Variants in FBXL13 observed in about 807,000 individuals in gnomAD.
The protein encoded by FBXL13 is F-box and leucine rich repeat protein 13.
FBXL13 carries 67 observed loss-of-function variants against 83.6 expected under a neutral mutation model. That is an observed-to-expected ratio of 0.80 (90% CI 0.66 to 0.98). The LOEUF (loss-of-function observed/expected upper bound fraction) is 0.98. Among genes scored for constraint, FBXL13 ranks in the 50% least tolerant of loss-of-function variants. The pLI is 0.00. For synonymous variants in FBXL13, 272 were observed against 299.5 expected (o/e 0.91, Z 0.95); for missense variants, 822 against 866.5 (o/e 0.95, Z 0.64).
intron 10 of FBXL13, among the ~76,000 whole-genome samples, chr7:102,916,468 C>T (rs1421831329): frequency 1.3e-5 from 2 of 152,170 alleles, no homozygotes; most frequent in African/African-American, 2.4e-5. Flanking sequence ...ACAGTGGAAC[C>T]TCATGGAACC....
intron 8 of FBXL13, among the ~76,000 whole-genome samples, chr7:102,952,571 T>A (rs1443840528): frequency 1.3e-5 from 2 of 152,246 alleles, no homozygotes; most frequent in East Asian, 3.9e-4. Flanking sequence ...ACAAATTAGA[T>A]AAACTGCATG....
chr7:102,983,231 C>T (rs1585236662), intron 6 of FBXL13, among the ~76,000 whole-genome samples: 1 of 152,070 alleles, frequency 6.6e-6, no homozygotes, highest in South Asian at 2.1e-4. Context: ...TAGCATTAAC[C>T]ACCTTCTGAG....
At position 102,834,150 on chromosome 7, in the gene FBXL13, C is replaced by CGAG. The variant is rs144012283; in HGVS notation, c.1720-1177_1720-1176insCTC. Among the ~76,000 whole-genome samples the CGAG allele has an allele frequency of 9.2e-5, 11 of 119,626 alleles. 1 individual carries two copies. The highest frequency in any genetic ancestry group is 3.6e-4 in the African/African-American group (10 of 28,168). 78.5% of individuals were successfully genotyped at this position (119,626 alleles called of 152,430 possible). On this transcript the variant is annotated intron_variant, in intron 17 of 19. Coordinates refer to ENST00000313221, the Ensembl canonical transcript of FBXL13. ...AGAAAGAAAGAAAGAAAAGAGAAGA[C>CGAG]AAGAGAAAAGAAAAAGGAGGAAATT...
chr7:102,821,372 C>T (rs1411070558), intron 19 of FBXL13, among the ~76,000 whole-genome samples: 3 of 152,094 alleles, frequency 2.0e-5, no homozygotes, highest in African/African-American at 7.2e-5. Flanking sequence ...TTTTCCATTT[C>T]ATTTTAACAC....
At chr7:102,849,235 A>G (rs964476705) in intron 17 of FBXL13, among the ~76,000 whole-genome samples, 1 of 152,222 alleles carries the variant, frequency 6.6e-6, no homozygotes, top group East Asian at 1.9e-4. Context: ...GCCTTTCAAG[A>G]GCACCAAATA....
At chr7:102,820,142 T>C (rs775938428) in intron 19 of FBXL13, among the ~76,000 whole-genome samples, 3 of 152,222 alleles carry the variant, frequency 2.0e-5, no homozygotes, top group African/African-American at 2.4e-5. Flanking sequence ...AAAGATGGAA[T>C]CGAGGGATTC....
intron 8 of FBXL13, among the ~76,000 whole-genome samples, chr7:102,961,556 G>A (rs1825216972): frequency 6.8e-6 from 1 of 147,256 alleles, no homozygotes; most frequent in African/African-American, 2.5e-5. Context: ...GAACAAAGCT[G>A]GAGGCATCAC....
At chr7:102,960,642 A>C (rs1174518178) in intron 8 of FBXL13, among the ~76,000 whole-genome samples, 6 of 152,222 alleles carry the variant, frequency 3.9e-5, no homozygotes, top group African/African-American at 1.4e-4. Flanking sequence ...CACCACAATC[A>C]AGTGGGCTTC....
At chr7:102,855,897 A>AT (rs1421945998) in intron 16 of FBXL13, among the ~76,000 whole-genome samples, 1 of 148,156 alleles carries the variant, frequency 6.7e-6, no homozygotes, top group Non-Finnish European at 1.5e-5. Flanking sequence ...GGGCCTTCTC[A>AT]TAAAAAAAAA....
At chr7:102,902,936 A>AT (rs201107252) in intron 11 of FBXL13, among the ~76,000 whole-genome samples, 20,825 of 148,820 alleles carry the variant, frequency 0.14, 1,605 homozygotes, top group East Asian at 0.3. Flanking sequence ...AAATTTTAGG[A>AT]TTTTTTTTTT....
intron 17 of FBXL13, among the ~76,000 whole-genome samples, chr7:102,834,098 G>GAA (rs1359914662): frequency 1.1e-5 from 1 of 93,912 alleles, no homozygotes; most frequent in Non-Finnish European, 2.1e-5. Flanking sequence ...AAGAAAGAAA[G>GAA]AAAGAAAGAA....
In FBXL13 at chr7:102,967,702, G is replaced by C. The variant is rs76838906; in HGVS notation, c.591+320C>G. On this transcript the variant is annotated intron_variant, in intron 7 of 19. Coordinates refer to ENST00000313221, the Ensembl canonical transcript of FBXL13. ...AACATATAGTCTATGCTCATGAAAA[G>C]GAAGTAGGGACACTGTAATAAAACC... Among the ~76,000 whole-genome samples the C allele has an allele frequency of 7.7e-3, 1,177 of 152,302 alleles. 85 individuals are homozygous for C. The East Asian group carries it at 0.16, about 21-fold the overall frequency.
chr7:102,954,221 G>A (rs2129477639), intron 8 of FBXL13, among the ~76,000 whole-genome samples: 1 of 152,320 alleles, frequency 6.6e-6, no homozygotes, highest in Middle Eastern at 3.4e-3. Context: ...GGGCACTGCT[G>A]CCCAAATACT....
intron 8 of FBXL13, chr7:102,936,413 C>G (rs1585030557): frequency 6.6e-6 from 1 of 152,206 alleles, no homozygotes; most frequent in African/African-American, 2.4e-5. Flanking sequence ...CAGAATTAAT[C>G]TGAGCATATT....
chr7:102,981,318 A>C (rs1447642241), intron 6 of FBXL13, among the ~76,000 whole-genome samples: 1 of 152,128 alleles, frequency 6.6e-6, no homozygotes, highest in Non-Finnish European at 1.5e-5. Flanking sequence ...CTAGTCCAAG[A>C]AATCTGGCTC....
intron 16 of FBXL13, among the ~76,000 whole-genome samples, chr7:102,857,217 A>G (rs1806166799): frequency 6.6e-6 from 1 of 152,120 alleles, no homozygotes; most frequent in Non-Finnish European, 1.5e-5. Flanking sequence ...CAGGCAACAA[A>G]AACAGACAAA....
At chr7:102,943,175 A>G (rs1821784858) in intron 8 of FBXL13, among the ~76,000 whole-genome samples, 1 of 152,170 alleles carries the variant, frequency 6.6e-6, no homozygotes, top group Admixed American at 6.5e-5. Context: ...AACACTGGGA[A>G]AAGGTTGTTT....
intron 18 of FBXL13, among the ~76,000 whole-genome samples, chr7:102,829,620 A>G (rs1277587093): frequency 6.6e-6 from 1 of 152,168 alleles, no homozygotes; most frequent in African/African-American, 2.4e-5. Flanking sequence ...CAGAGCAACC[A>G]GCTTTTCCTC....
intron 6 of FBXL13, among the ~76,000 whole-genome samples, chr7:102,992,871 T>C (rs1349553890): frequency 6.6e-6 from 1 of 152,158 alleles, no homozygotes; most frequent in Non-Finnish European, 1.5e-5. Context: ...CCTCCAAAAG[T>C]GCTGGGATTA....
Sources: allele counts gnomAD v4.1 joint callset (sites outside exome capture counted in the v4.1 genomes callset), GRCh38; gene constraint gnomAD v4.1.1; transcripts MANE v1.5; gene names NCBI Gene and HGNC (gene_info 2026-07-23, HGNC 2026-07-21).